The following MYOZ2 variants were observed in gnomAD, a reference collection of about 807,000 sequenced individuals.
MYOZ2 encodes the protein myozenin-2.
Under a neutral mutation model 25.4 loss-of-function variants are expected in MYOZ2, and 19 were observed. The ratio of observed to expected loss-of-function variants is 0.75; its 90% confidence interval spans 0.52 to 1.10. The LOEUF (loss-of-function observed/expected upper bound fraction) is 1.10. Among genes scored for constraint, MYOZ2 ranks in the 50% least tolerant of loss-of-function variants. The probability of loss-of-function intolerance (pLI) is 0.00; values close to 1 mark genes in which losing one functional copy is unlikely to be tolerated. For synonymous variants in MYOZ2, 92 were observed against 106.9 expected, an observed-to-expected ratio of 0.86 and a Z score of 0.86; for missense variants, 270 against 317.9, an observed-to-expected ratio of 0.85 and a Z score of 1.15.
chr4:119,147,737 C>A, intron 2 of MYOZ2, among the ~76,000 whole-genome samples: 1 of 104,584 alleles, frequency 9.6e-6, no homozygotes, highest in Non-Finnish European at 2.2e-5. Flanking sequence ...GAGTAAGACT[C>A]TGTCTCAAAA....
At chr4:119,175,126 C>T (rs1742037524) in intron 5 of MYOZ2, among the ~76,000 whole-genome samples, 1 of 150,918 alleles carries the variant, frequency 6.6e-6, no homozygotes, top group African/African-American at 2.4e-5. Flanking sequence ...GTCAGTGAGA[C>T]CAAGAACCCA....
At chr4:119,166,038 CGTGTGTGTGTGT>C (rs146485825) in intron 5 of MYOZ2, among the ~76,000 whole-genome samples, 28 of 150,228 alleles carry the variant, frequency 1.9e-4, no homozygotes, top group Admixed American at 8.6e-4. Flanking sequence ...TGTGTGTGTG[CGTGTGTGTGTGT>C]GTGTGAAAAC....
chr4:119,139,044 G>A (rs897125135), intron 2 of MYOZ2, among the ~76,000 whole-genome samples: 4 of 152,172 alleles, frequency 2.6e-5, no homozygotes, highest in African/African-American at 9.7e-5. Context: ...ATGAGTGAGA[G>A]GTGGATAACT....
At chr4:119,158,509 ACC>A (rs1741636043) in intron 4 of MYOZ2, among the ~76,000 whole-genome samples, 6 of 152,098 alleles carry the variant, frequency 3.9e-5, no homozygotes, top group Admixed American at 2.0e-4. Context: ...CCATGATCAC[ACC>A]ACTGCACTCC....
chr4:119,146,875 C>T (rs760973146), intron 2 of MYOZ2, among the ~76,000 whole-genome samples: 6 of 152,028 alleles, frequency 3.9e-5, no homozygotes, highest in Non-Finnish European at 8.8e-5. Flanking sequence ...TACTTTTTTA[C>T]TTTAAATATT....
chr4:119,184,697 T>C (rs944728593), intron 5 of MYOZ2, among the ~76,000 whole-genome samples: 10 of 152,216 alleles, frequency 6.6e-5, no homozygotes, highest in Admixed American at 2.0e-4. Context: ...GAATGAGTAA[T>C]CAAATGCTTA....
intron 5 of MYOZ2, among the ~76,000 whole-genome samples, chr4:119,183,400 C>T (rs1260165192): frequency 6.6e-6 from 1 of 150,484 alleles, no homozygotes; most frequent in Non-Finnish European, 1.5e-5. Flanking sequence ...TTGTAAATAT[C>T]AGAGTACTCC....
chr4:119,170,499 T>C (rs1027477526), intron 5 of MYOZ2, among the ~76,000 whole-genome samples: 8 of 152,172 alleles, frequency 5.3e-5, no homozygotes, highest in African/African-American at 1.7e-4. Flanking sequence ...ACATTATGTA[T>C]ACTTTCTTAA....
intron 4 of MYOZ2, among the ~76,000 whole-genome samples, chr4:119,159,684 C>T (rs1021244992): frequency 2.0e-5 from 3 of 151,938 alleles, no homozygotes; most frequent in South Asian, 2.1e-4. Flanking sequence ...CAAAAGTACT[C>T]CTAGCATTCT....
Position 119,136,590 on chromosome 4 carries a change from T to A in MYOZ2, c.65T>A (p.Val22Asp). 3 of 1,613,076 alleles carry A rather than the reference T, an allele frequency of 1.9e-6. No individual in the cohort carries two copies. Among genetic ancestry groups the A allele is most frequent in the Non-Finnish European group, 2.5e-6 (3 of 1,179,252 alleles). Residue 22 changes from valine to aspartate, a missense_variant, in exon 2 of 6, where the codon GTC (valine) becomes GAC (aspartate). Transcript: ENST00000307128. ...KQQATAIMKE[V>D]HGNDVDGMDL... ...CAAGCAACAGCCATCATGAAGGAAG[T>A]CCATGGAAATGGTATCAATAAAAAT...
chr4:119,159,846 C>A (rs1741666355), intron 4 of MYOZ2, among the ~76,000 whole-genome samples: 1 of 151,978 alleles, frequency 6.6e-6, no homozygotes, highest in South Asian at 2.1e-4. Flanking sequence ...ATAGACTTAG[C>A]AAAATAATAC....
chr4:119,174,320 G>A (rs572030131), intron 5 of MYOZ2, among the ~76,000 whole-genome samples: 2 of 152,288 alleles, frequency 1.3e-5, no homozygotes, highest in South Asian at 4.1e-4. Context: ...TCAGCACTCT[G>A]TATCTAGCTC....
At chr4:119,164,511 A>G in intron 5 of MYOZ2, 117 bp downstream of exon 5, 1 of 951,460 alleles carries the variant, frequency 1.1e-6, no homozygotes, top group Non-Finnish European at 1.6e-6. Context: ...AAAAGAATCT[A>G]AATAGCAATA....
intron 4 of MYOZ2, among the ~76,000 whole-genome samples, chr4:119,162,546 GTGTTCCTCGTTGTT>G (rs886101031): frequency 6.6e-6 from 1 of 152,226 alleles, no homozygotes; most frequent in Non-Finnish European, 1.5e-5. Flanking sequence ...TTTTAGAGCA[GTGTTCCTCGTTGTT>G]CTGTTTGTAG....
In MYOZ2 at chr4:119,151,150, T is replaced by C. The variant is rs143234715; in HGVS notation, c.246+109T>C. On this transcript the variant is annotated intron_variant, in intron 3 of 5. Transcript: ENST00000307128. ...ATTCTATATATTTTCTTTCAATTTA[T>C]TCTGTTAGGCTATTTTTTTTTTATC... 3.2e-5 allele frequency: 37 copies of C among 1,165,080 alleles called. 1 individual carries two copies. The African/African-American group carries it at 5.7e-4, about 18-fold the overall frequency. 72.2% of individuals were successfully genotyped at this position (1,165,080 alleles called of 1,614,324 possible).
At chr4:119,153,554 G>A (rs937648762) in intron 3 of MYOZ2, among the ~76,000 whole-genome samples, 1 of 151,864 alleles carries the variant, frequency 6.6e-6, no homozygotes, top group African/African-American at 2.4e-5. Flanking sequence ...ACATTTTCTG[G>A]AACAAGCTTT....
intron 4 of MYOZ2, among the ~76,000 whole-genome samples, chr4:119,161,665 A>C (rs1741712902): frequency 6.6e-6 from 1 of 152,162 alleles, no homozygotes; most frequent in Admixed American, 6.5e-5. Context: ...TATAAAAAGA[A>C]ATTAGAAAAC....
rs1023983365 is a variant in MYOZ2 at position 119,173,185 on chromosome 4, A to G, written c.560+8791A>G. ...AATGTAATCCATCACTGACCCATCA[A>G]AATAAACAAGAAAGTATCTACTAAC... On this transcript the variant is annotated intron_variant, in intron 5 of 5. Coordinates refer to ENST00000307128, the MANE Select transcript of MYOZ2 (RefSeq NM_016599.5). Among the ~76,000 whole-genome samples the G allele has an allele frequency of 4.6e-5, 7 of 152,354 alleles. No individual in the cohort carries two copies. In the East Asian group the frequency reaches 1.3e-3, roughly 29 times the overall value.
intron 5 of MYOZ2, among the ~76,000 whole-genome samples, chr4:119,177,877 A>C (rs1442655153): frequency 1.3e-5 from 2 of 152,210 alleles, no homozygotes; most frequent in Non-Finnish European, 2.9e-5. Context: ...TCCCATCTTT[A>C]ATAAAAATAT....
Sources: gnomAD v4.1 joint callset for allele counts (sites outside exome capture counted in the v4.1 genomes callset) on GRCh38, gnomAD v4.1.1 for gene constraint, MANE v1.5 for transcripts, NCBI Gene and HGNC (gene_info 2026-07-23, HGNC 2026-07-21) for gene names.